Variants in BTG3 observed in about 807,000 individuals in gnomAD.
The protein encoded by BTG3 is BTG anti-proliferation factor 3, also known as protein BTG3.
Under a neutral mutation model 25.8 loss-of-function variants are expected in BTG3, and 4 were observed. The ratio of observed to expected loss-of-function variants is 0.16; its 90% CI spans 0.08 to 0.36. The LOEUF (loss-of-function observed/expected upper bound fraction) is 0.36, where lower values mean the gene tolerates loss of function less well. Among genes scored for constraint, BTG3 ranks in the 10% least tolerant of loss-of-function variants. BTG3 has a pLI of 1.00. For synonymous variants in BTG3, 107 were observed against 99.9 expected (o/e 1.07, Z -0.42); for missense variants, 201 against 304.9 (o/e 0.66, Z 2.54).
At chr21:17,600,752 C>CT (rs945413319) in intron 3 of BTG3, among the ~76,000 whole-genome samples, 1 of 152,166 alleles carries the variant, frequency 6.6e-6, no homozygotes, top group African/African-American at 2.4e-5. Context: ...TAGATGAGTT[C>CT]TATTTCTTCA....
chr21:17,611,241 G>A (rs1271928707), intron 1 of BTG3, among the ~76,000 whole-genome samples: 1 of 152,108 alleles, frequency 6.6e-6, no homozygotes, highest in Non-Finnish European at 1.5e-5. Flanking sequence ...TTTGCTGATG[G>A]AACTACATTA....
At chr21:17,606,661 ATACCT>A (rs778033714) in intron 2 of BTG3, among the ~76,000 whole-genome samples, 50 of 152,280 alleles carry the variant, frequency 3.3e-4, no homozygotes, top group South Asian at 1.0e-3. Context: ...CAAAATCTGC[ATACCT>A]TACATGTTTT....
chr21:17,604,714 A>G lies in BTG3; in HGVS notation c.311+146T>C. On this transcript the variant is annotated intron_variant, in intron 3 of 4. Coordinates refer to ENST00000348354, the MANE Select transcript of BTG3 (RefSeq NM_006806.5). ...ACTAGTCCTTCAACATCACCTCCAG[A>G]AAAGTATTTCATAAAATTTACATCT... The G allele has an allele frequency of 2.9e-6, 3 of 1,049,820 alleles. No homozygotes were observed. In the South Asian group the frequency reaches 6.6e-5, roughly 23 times the overall value. The allele number at this position is 1,049,820 out of a possible 1,614,324, so 65.0% of individuals were successfully genotyped here.
intron 4 of BTG3, among the ~76,000 whole-genome samples, chr21:17,596,327 T>G (rs2061503512): frequency 6.6e-6 from 1 of 152,056 alleles, no homozygotes; most frequent in Non-Finnish European, 1.5e-5. Flanking sequence ...CCTTATTAGT[T>G]ACTTTTTGTG....
At chr21:17,603,474 T>C (rs1394111317) in intron 3 of BTG3, among the ~76,000 whole-genome samples, 1 of 152,180 alleles carries the variant, frequency 6.6e-6, no homozygotes, top group African/African-American at 2.4e-5. Flanking sequence ...CCTGACAAAA[T>C]TTAATGGAAG....
intron 1 of BTG3, chr21:17,612,021 TAA>T (rs1318381130): frequency 6.6e-6 from 1 of 152,388 alleles, no homozygotes; most frequent in Non-Finnish European, 1.5e-5. Context: ...TCCAAGGGGC[TAA>T]GAGTTGGACT....
intron 1 of BTG3, 92 bp downstream of exon 1, chr21:17,612,607 G>C (rs1299651403): frequency 1.3e-5 from 2 of 152,328 alleles, no homozygotes; most frequent in Non-Finnish European, 2.9e-5. Flanking sequence ...CCGCCAGCGA[G>C]CCTTCGACGT....
intron 2 of BTG3, 115 bp from the exon 3 acceptor site, chr21:17,605,112 G>GT: frequency 8.5e-7 from 1 of 1,179,508 alleles, no homozygotes; most frequent in Non-Finnish European, 1.2e-6. Context: ...AAATACCCTG[G>GT]TAGAGAACCT....
Position 17,609,169 on chromosome 21 carries a change from T to C in BTG3, c.-8-17A>G, listed in dbSNP as rs369375684. The C allele has an allele frequency of 3.8e-6, 6 of 1,596,336 alleles. No individual in the cohort carries two copies. Among genetic ancestry groups the C allele is most frequent in the Middle Eastern group, 1.8e-4 (1 of 5,644 alleles). ...TTTTTTTCCCTGCAAAGATAAAACATGTTTTCTCAGAAAAACAAAATATAA... is the reference window on the plus strand; with the variant it reads ...TTTTTTTCCCTGCAAAGATAAAACACGTTTTCTCAGAAAAACAAAATATAA... On this transcript the variant is annotated splice_polypyrimidine_tract_variant and intron_variant, in intron 1 of 4. Transcript: ENST00000348354.
intron 2 of BTG3, among the ~76,000 whole-genome samples, chr21:17,605,612 C>T (rs769868763): frequency 4.3e-4 from 65 of 152,180 alleles, no homozygotes; most frequent in Non-Finnish European, 4.7e-4. Flanking sequence ...TACCCAAGCA[C>T]TTTTATTTAA....
At position 17,593,982 on chromosome 21, in the gene BTG3, G is replaced by A. The variant is rs2061469441; in HGVS notation, c.*111C>T. The A allele has an allele frequency of 2.4e-6, 3 of 1,270,240 alleles. No individual in the cohort carries two copies. The highest frequency in any genetic ancestry group is 3.2e-6 in the Non-Finnish European group (3 of 939,142). 78.7% of individuals were successfully genotyped at this position (1,270,240 alleles called of 1,614,324 possible). ...AACTTCTATAAAAATAAGTTTGATG[G>A]TTTGGCCCATCTAACTTCACTACTA... On this transcript the variant is annotated 3_prime_UTR_variant, in exon 5 of 5. Transcript: ENST00000348354.
intron 3 of BTG3, among the ~76,000 whole-genome samples, chr21:17,603,961 TG>T (rs2061604707): frequency 6.6e-6 from 1 of 152,232 alleles, no homozygotes; most frequent in Non-Finnish European, 1.5e-5. Context: ...AGCAGAATGT[TG>T]CTTTCGTTTT....
intron 4 of BTG3, 58 bp downstream of exon 4, chr21:17,598,559 T>G (rs1459162846): frequency 6.8e-7 from 1 of 1,465,850 alleles, no homozygotes; most frequent in African/African-American, 1.4e-5. Context: ...TAGGACTACC[T>G]GAAAGGTCCT....
chr21:17,605,867 A>G (rs1036828153), intron 2 of BTG3, among the ~76,000 whole-genome samples: 2 of 152,224 alleles, frequency 1.3e-5, no homozygotes, highest in Admixed American at 1.3e-4. Flanking sequence ...AGTATTTATC[A>G]GGTAAGCCTA....
At chr21:17,594,793 TAAG>T (rs1339007867) in intron 4 of BTG3, among the ~76,000 whole-genome samples, 2 of 151,002 alleles carry the variant, frequency 1.3e-5, no homozygotes, top group African/African-American at 4.9e-5. Context: ...GAGGTAATGA[TAAG>T]AACTTATGAA....
intron 4 of BTG3, among the ~76,000 whole-genome samples, chr21:17,596,908 A>G (rs1431318420): frequency 6.6e-6 from 1 of 152,086 alleles, no homozygotes; most frequent in East Asian, 1.9e-4. Context: ...CTTTTAGAAA[A>G]CAGTAGAGAA....
chr21:17,602,828 T>C, intron 3 of BTG3, among the ~76,000 whole-genome samples: 1 of 152,244 alleles, frequency 6.6e-6, no homozygotes, highest in Middle Eastern at 3.2e-3. Flanking sequence ...CTGAGACTTA[T>C]TTTAAGCATT....
At chr21:17,598,222 G>A (rs1350676219) in intron 4 of BTG3, among the ~76,000 whole-genome samples, 1 of 152,036 alleles carries the variant, frequency 6.6e-6, no homozygotes, top group Non-Finnish European at 1.5e-5. Context: ...AATAAATTTA[G>A]AGAGGTTTCT....
intron 1 of BTG3, among the ~76,000 whole-genome samples, chr21:17,610,315 T>A (rs182822764): frequency 6.6e-6 from 1 of 152,200 alleles, no homozygotes; most frequent in Non-Finnish European, 1.5e-5. Flanking sequence ...AATGGGTGAA[T>A]TGCATGGTAT....
Sources: allele counts gnomAD v4.1 joint callset (sites outside exome capture counted in the v4.1 genomes callset), GRCh38; gene constraint gnomAD v4.1.1; transcripts MANE v1.5; gene names NCBI Gene and HGNC (gene_info 2026-07-23, HGNC 2026-07-21).